The following DLG2 variants were observed in gnomAD, a reference collection of about 807,000 sequenced individuals.
The protein encoded by DLG2 is disks large homolog 2.
Under a neutral mutation model 132.5 loss-of-function variants are expected in DLG2, and 45 were observed. The ratio of observed to expected loss-of-function variants is 0.34; its 90% CI spans 0.27 to 0.44. DLG2 has a LOEUF of 0.44. DLG2 is among the 20% of genes least tolerant of loss of function. The pLI is 1.00. For synonymous variants in DLG2, 424 were observed against 419.6 expected (o/e 1.01, Z -0.13); for missense variants, 1,045 against 1,196.9 (o/e 0.87, Z 1.87).
At chr11:85,477,317 G>A (rs2093171631) in intron 3 of DLG2, among the ~76,000 whole-genome samples, 1 of 152,084 alleles carries the variant, frequency 6.6e-6, no homozygotes, top group East Asian at 1.9e-4. Flanking sequence ...AATTCAATAT[G>A]AACTTAAGAC....
chr11:84,818,002 T>C (rs1353651335), intron 6 of DLG2, among the ~76,000 whole-genome samples: 4 of 151,972 alleles, frequency 2.6e-5, no homozygotes, highest in Admixed American at 1.3e-4. Flanking sequence ...CAATCCTGAG[T>C]ACTAGCATAT....
intron 7 of DLG2, among the ~76,000 whole-genome samples, chr11:84,412,515 T>G (rs1027032588): frequency 1.3e-5 from 2 of 152,186 alleles, no homozygotes; most frequent in Non-Finnish European, 2.9e-5. Context: ...CAAAGCAACC[T>G]AGGCTTGGTA....
intron 6 of DLG2, among the ~76,000 whole-genome samples, chr11:84,803,487 T>C (rs1257945292): frequency 1.3e-5 from 2 of 152,150 alleles, no homozygotes; most frequent in Admixed American, 6.5e-5. Context: ...ACGCAGTAAG[T>C]TATATATTTC....
chr11:84,704,750 T>C (rs931926745), intron 6 of DLG2, among the ~76,000 whole-genome samples: 1 of 151,246 alleles, frequency 6.6e-6, no homozygotes, highest in African/African-American at 2.4e-5. Context: ...ATTAATTTTG[T>C]TACTTTCACA....
chr11:84,085,679 C>A (rs1307051526), intron 10 of DLG2, among the ~76,000 whole-genome samples: 3 of 152,172 alleles, frequency 2.0e-5, no homozygotes, highest in African/African-American at 7.2e-5. Context: ...TTAGTCTGGG[C>A]TGGAAGTTTA....
chr11:84,882,356 T>C (rs953930769), intron 6 of DLG2, among the ~76,000 whole-genome samples: 7 of 152,092 alleles, frequency 4.6e-5, no homozygotes, highest in African/African-American at 1.7e-4. Context: ...GACATGTTTA[T>C]TTTCTTCTGG....
intron 6 of DLG2, among the ~76,000 whole-genome samples, chr11:84,595,483 T>C (rs1395150248): frequency 1.4e-5 from 2 of 143,948 alleles, no homozygotes; most frequent in Admixed American, 1.4e-4. Context: ...ATTTCCTTTT[T>C]CTAAAAAAAA....
At chr11:83,516,252 T>C (rs907466643) in intron 21 of DLG2, among the ~76,000 whole-genome samples, 7 of 152,234 alleles carry the variant, frequency 4.6e-5, no homozygotes, top group African/African-American at 1.4e-4. Context: ...GCTCTTCTTG[T>C]TGAATTGATC....
intron 3 of DLG2, among the ~76,000 whole-genome samples, chr11:85,378,909 C>T (rs1475813318): frequency 6.6e-6 from 1 of 152,140 alleles, no homozygotes; most frequent in Admixed American, 6.6e-5. Flanking sequence ...GAAAAATACA[C>T]ATAAATTTCT....
chr11:85,063,924 G>A (rs1222162618), intron 6 of DLG2, among the ~76,000 whole-genome samples: 1 of 151,780 alleles, frequency 6.6e-6, no homozygotes, highest in African/African-American at 2.4e-5. Flanking sequence ...GGCGATATTA[G>A]ACTAAATACT....
chr11:84,433,083 G>C (rs905572588), intron 7 of DLG2, among the ~76,000 whole-genome samples: 41 of 152,042 alleles, frequency 2.7e-4, no homozygotes, highest in African/African-American at 9.9e-4. Flanking sequence ...ATGTGGGGTT[G>C]GTTACATCAC....
chr11:83,481,355 C>CTTAT (rs920970541), intron 22 of DLG2, among the ~76,000 whole-genome samples: 3 of 151,870 alleles, frequency 2.0e-5, no homozygotes, highest in African/African-American at 7.3e-5. Flanking sequence ...AGTCTATGAA[C>CTTAT]TTATTTGTAT....
intron 6 of DLG2, among the ~76,000 whole-genome samples, chr11:84,662,091 A>C (rs1246786976): frequency 1.3e-5 from 2 of 151,988 alleles, no homozygotes; most frequent in Non-Finnish European, 2.9e-5. Flanking sequence ...ATATGGAAGT[A>C]GAGGGCCAGC....
At chr11:85,115,164 C>T (rs1305081820) in intron 5 of DLG2, among the ~76,000 whole-genome samples, 2 of 151,648 alleles carry the variant, frequency 1.3e-5, no homozygotes, top group African/African-American at 4.8e-5. Context: ...TTTACCCATC[C>T]CTCAGTTACC....
chr11:83,770,860 G>A (rs996244152), intron 18 of DLG2, among the ~76,000 whole-genome samples: 11 of 152,068 alleles, frequency 7.2e-5, no homozygotes, highest in Non-Finnish European at 1.2e-4. Context: ...GAACAAATAA[G>A]AGATTAATAA....
intron 3 of DLG2, among the ~76,000 whole-genome samples, chr11:85,511,607 G>A (rs546275528): frequency 6.6e-6 from 1 of 152,070 alleles, no homozygotes; most frequent in African/African-American, 2.4e-5. Flanking sequence ...CAATACAAGG[G>A]ACTATGCATG....
chr11:84,178,183 T>A (rs1039764219), intron 8 of DLG2, among the ~76,000 whole-genome samples: 7 of 152,144 alleles, frequency 4.6e-5, no homozygotes, highest in African/African-American at 2.4e-5. Flanking sequence ...CAACTTCATT[T>A]GGAGCAGAAT....
intron 6 of DLG2, among the ~76,000 whole-genome samples, chr11:84,815,760 T>C (rs1490744954): frequency 1.3e-5 from 2 of 152,038 alleles, no homozygotes; most frequent in Non-Finnish European, 2.9e-5. Context: ...TCTGCCCCAG[T>C]GCTCACATCT....
chr11:83,833,539 C>T, intron 17 of DLG2, 75 bp downstream of exon 17: 1 of 1,450,390 alleles, frequency 6.9e-7, no homozygotes, highest in Non-Finnish European at 9.3e-7. Context: ...CTTTTGGTAT[C>T]ATAATTGAAA....
Sources: allele counts gnomAD v4.1 joint callset (sites outside exome capture counted in the v4.1 genomes callset), GRCh38; gene constraint gnomAD v4.1.1; transcripts MANE v1.5; gene names NCBI Gene and HGNC (gene_info 2026-07-23, HGNC 2026-07-21).